Variants in GPD1L observed in about 807,000 individuals in gnomAD.
The protein encoded by GPD1L is glycerol-3-phosphate dehydrogenase 1 like, also known as glycerol-3-phosphate dehydrogenase 1-like protein.
Under a neutral mutation model 32.9 loss-of-function variants are expected in GPD1L, and 17 were observed. The ratio of observed to expected loss-of-function variants is 0.52; its 90% CI spans 0.35 to 0.78. The LOEUF (loss-of-function observed/expected upper bound fraction) is 0.78. GPD1L is among the 30% of genes least tolerant of loss of function. The probability of loss-of-function intolerance (pLI) is 0.01; values close to 1 mark genes in which losing one functional copy is unlikely to be tolerated. For missense variants in GPD1L, 361 were observed against 447.8 expected (o/e 0.81, Z 1.75); for synonymous variants, 187 against 165.9 (o/e 1.13, Z -0.98).
rs534373652 is a variant in GPD1L, at chr3:32,159,631, G to T, written c.916G>T (p.Ala306Ser). Residue 306 changes from alanine (A) to serine (S), a missense_variant, in exon 7 of 8, where the codon GCT becomes TCT. Coordinates refer to ENST00000282541, the MANE Select transcript of GPD1L (RefSeq NM_015141.4). ...GQKLQGPQTS[A>S]EVYRILKQKG... is the part of the protein sequence containing the mutation. ...AAAGCTCCAAGGACCGCAGACTTCT[G>T]CTGAAGTGTACCGCATCCTCAAACA... 4 of 1,613,104 alleles carry T rather than the reference G, an allele frequency of 2.5e-6. No homozygotes were observed. The highest frequency in any genetic ancestry group is 1.1e-5 in the South Asian group (1 of 91,074).
chr3:32,114,111 T>A (rs1416629899), intron 1 of GPD1L, among the ~76,000 whole-genome samples: 1 of 152,216 alleles, frequency 6.6e-6, no homozygotes, highest in Non-Finnish European at 1.5e-5. Context: ...TGCCTTGGCC[T>A]CCCAAAGTAC....
chr3:32,158,090 C>A lies in GPD1L; in HGVS notation c.619-786C>A, dbSNP rs186769076. ...AGGGCATGTGCCAGGGTGTCCATGG[C>A]AGCACTGTTTGTCATGGCCCCAAAC... On this transcript the variant is annotated intron_variant, in intron 5 of 7. Coordinates refer to ENST00000282541, the MANE Select transcript of GPD1L (RefSeq NM_015141.4). Among the ~76,000 whole-genome samples, 5 of 152,344 alleles carry A rather than the reference C, an allele frequency of 3.3e-5. No individual in the cohort carries two copies. In the East Asian group the frequency reaches 7.7e-4, roughly 23 times the overall value.
At chr3:32,134,997 G>C (rs1021879014) in intron 2 of GPD1L, among the ~76,000 whole-genome samples, 11 of 152,188 alleles carry the variant, frequency 7.2e-5, no homozygotes, top group African/African-American at 2.7e-4. Flanking sequence ...TTTTACATAT[G>C]GAGTGACTGA....
intron 5 of GPD1L, among the ~76,000 whole-genome samples, chr3:32,155,274 C>A (rs920017856): frequency 6.6e-6 from 1 of 152,138 alleles, no homozygotes; most frequent in Non-Finnish European, 1.5e-5. Context: ...CCTCTCTGAG[C>A]CTCAGTTGTG....
At chr3:32,148,840 T>TC (rs1226268136) in intron 5 of GPD1L, among the ~76,000 whole-genome samples, 4 of 152,014 alleles carry the variant, frequency 2.6e-5, no homozygotes, top group African/African-American at 4.8e-5. Context: ...GATGGGTTTT[T>TC]CCCCCCGACT....
At chr3:32,141,161 A>C (rs1700736981) in intron 4 of GPD1L, among the ~76,000 whole-genome samples, 1 of 152,224 alleles carries the variant, frequency 6.6e-6, no homozygotes, top group South Asian at 2.1e-4. Flanking sequence ...TTGTAAAAGG[A>C]AGCTCTGAGA....
rs555858541 is a variant in GPD1L at position 32,142,752 on chromosome 3, T to C, written c.505+2386T>C. On this transcript the variant is annotated intron_variant, in intron 4 of 7. Coordinates refer to ENST00000282541, the MANE Select transcript of GPD1L (RefSeq NM_015141.4). ...TCTAGCCCTGTTTGTTGTAGGAAAG[T>C]TTCTAGTTGGGTACATTAGGCTTTT... Among the ~76,000 whole-genome samples, 4 of 152,266 alleles carry C rather than the reference T, an allele frequency of 2.6e-5. No individual in the cohort carries two copies. The South Asian group carries it at 6.2e-4, about 24-fold the overall frequency.
intron 2 of GPD1L, among the ~76,000 whole-genome samples, chr3:32,134,411 G>A (rs897052559): frequency 2.6e-5 from 4 of 152,158 alleles, no homozygotes; most frequent in Non-Finnish European, 5.9e-5. Context: ...ACCACCTGCA[G>A]GTTCCTCTTT....
chr3:32,151,572 T>C, intron 5 of GPD1L: 1 of 219,680 alleles, frequency 4.6e-6, no homozygotes, highest in Non-Finnish European at 8.8e-6. Context: ...CTCTGCCTCC[T>C]GGGCTCAAGT....
chr3:32,137,557 A>C (rs940555744), intron 2 of GPD1L, among the ~76,000 whole-genome samples: 1 of 152,222 alleles, frequency 6.6e-6, no homozygotes. Flanking sequence ...TGGTACACGT[A>C]GCTGCAAGGA....
intron 7 of GPD1L, among the ~76,000 whole-genome samples, chr3:32,161,104 T>C (rs564799803): frequency 6.6e-6 from 1 of 152,246 alleles, no homozygotes; most frequent in African/African-American, 2.4e-5. Context: ...TCCTTTATCC[T>C]GGTTCTGTCA....
chr3:32,140,293 T>G lies in GPD1L; in HGVS notation c.432T>G (p.Ile144Met), dbSNP rs772261433. The G allele has an allele frequency of 4.3e-6, 7 of 1,614,000 alleles. No homozygotes were observed. The change falls in exon 4 of 8, where the codon ATT becomes ATG. Residue 144 changes from isoleucine to methionine, a missense_variant. By Grantham distance (10) the Ile-to-Met change is conservative. Transcript: ENST00000282541. ...ACATCATCCGTGAGAAGATGGGTAT[T>G]GACATCAGTGTGCTGATGGGAGCCA... ...ISDIIREKMGIDISVLMGANI... is the reference protein window; with the variant it reads ...ISDIIREKMGMDISVLMGANI...
intron 5 of GPD1L, chr3:32,151,397 G>A: frequency 1.5e-6 from 1 of 666,162 alleles, no homozygotes; most frequent in South Asian, 1.7e-5. Context: ...ACACTTGTGG[G>A]GCATTCCTTT....
chr3:32,122,915 A>G (rs996839031), intron 1 of GPD1L, among the ~76,000 whole-genome samples: 2 of 151,892 alleles, frequency 1.3e-5, no homozygotes, highest in Non-Finnish European at 2.9e-5. Context: ...TTATTCATTT[A>G]TTTTTTGGAG....
chr3:32,119,933 C>T (rs900831047), intron 1 of GPD1L, among the ~76,000 whole-genome samples: 7 of 152,146 alleles, frequency 4.6e-5, no homozygotes, highest in Non-Finnish European at 8.8e-5. Context: ...CAAAGAAATT[C>T]ATCAGGTTTT....
At chr3:32,137,317 A>G (rs1700677021) in intron 2 of GPD1L, among the ~76,000 whole-genome samples, 1 of 152,224 alleles carries the variant, frequency 6.6e-6, no homozygotes, top group Non-Finnish European at 1.5e-5. Context: ...TCTCTAATGT[A>G]AAGACATTTG....
intron 2 of GPD1L, among the ~76,000 whole-genome samples, chr3:32,129,808 A>G (rs555577854): frequency 8.5e-5 from 13 of 152,204 alleles, no homozygotes; most frequent in Non-Finnish European, 1.3e-4. Flanking sequence ...TCCCCCTGCA[A>G]TGGAAGGCCT....
intron 1 of GPD1L, among the ~76,000 whole-genome samples, chr3:32,109,138 C>T (rs955723409): frequency 7.9e-5 from 12 of 152,318 alleles, no homozygotes; most frequent in South Asian, 4.1e-4. Context: ...CATGAACCAC[C>T]GTACCCGGCC....
chr3:32,152,664 C>T (rs753183399), intron 5 of GPD1L, among the ~76,000 whole-genome samples: 1 of 152,124 alleles, frequency 6.6e-6, no homozygotes, highest in Non-Finnish European at 1.5e-5. Flanking sequence ...TAGGCCCCAC[C>T]TCCCAACACT....
Sources: gnomAD v4.1 joint callset for allele counts (sites outside exome capture counted in the v4.1 genomes callset) on GRCh38, gnomAD v4.1.1 for gene constraint, MANE v1.5 for transcripts, NCBI Gene and HGNC (gene_info 2026-07-23, HGNC 2026-07-21) for gene names.